The following PARD3B variants were observed in gnomAD, a reference collection of about 807,000 sequenced individuals.
PARD3B encodes par-3 family cell polarity regulator beta, also known as partitioning defective 3 homolog B.
In PARD3B, 103 loss-of-function variants were observed where a neutral mutation model predicts 130.2. The observed-to-expected ratio is 0.79, with a 90% CI of 0.67 to 0.93. PARD3B has a LOEUF of 0.93. Among genes scored for constraint, PARD3B ranks in the 40% least tolerant of loss-of-function variants. The pLI, the probability that PARD3B is intolerant of heterozygous loss-of-function variation, is 0.00. For synonymous variants in PARD3B, 583 were observed against 553.2 expected (o/e 1.05, Z -0.76); for missense variants, 1,609 against 1,499.2 (o/e 1.07, Z -1.21).
chr2:205,411,172 CT>C (rs1298088804), intron 19 of PARD3B, among the ~76,000 whole-genome samples: 3 of 152,092 alleles, frequency 2.0e-5, no homozygotes, highest in Non-Finnish European at 4.4e-5. Context: ...GGACAGCCCC[CT>C]GCAACAAAGA....
At chr2:204,730,408 T>C (rs1373262680) in intron 2 of PARD3B, among the ~76,000 whole-genome samples, 1 of 152,110 alleles carries the variant, frequency 6.6e-6, no homozygotes, top group Non-Finnish European at 1.5e-5. Flanking sequence ...TACTGCTCTG[T>C]AAGCAGATTT....
At chr2:204,747,251 T>C (rs2125378179) in intron 2 of PARD3B, among the ~76,000 whole-genome samples, 1 of 152,284 alleles carries the variant, frequency 6.6e-6, no homozygotes, top group African/African-American at 2.4e-5. Context: ...TCCCCATTTC[T>C]TGTTTTTGTC....
chr2:205,354,479 A>T (rs369289421), intron 18 of PARD3B, among the ~76,000 whole-genome samples: 12 of 151,384 alleles, frequency 7.9e-5, no homozygotes, highest in East Asian at 3.9e-4. Flanking sequence ...GAAAAAAAGT[A>T]AAAAATTAAA....
chr2:205,538,728 G>A (rs1575296914), intron 21 of PARD3B, among the ~76,000 whole-genome samples: 1 of 152,132 alleles, frequency 6.6e-6, no homozygotes, highest in African/African-American at 2.4e-5. Flanking sequence ...TGCTCAGGGG[G>A]CTCATGGAAA....
chr2:205,299,583 T>TAATATATA (rs2041922068), intron 16 of PARD3B, among the ~76,000 whole-genome samples: 2 of 7,646 alleles, frequency 2.6e-4, no homozygotes, highest in Admixed American at 4.6e-3. Context: ...ATATAATATA[T>TAATATATA]ATATATAATG....
intron 1 of PARD3B, among the ~76,000 whole-genome samples, chr2:204,573,604 A>G (rs2032108784): frequency 6.6e-6 from 1 of 152,154 alleles, no homozygotes; most frequent in African/African-American, 2.4e-5. Flanking sequence ...GTGGTAAGTA[A>G]TAAGCGACAG....
chr2:205,434,123 T>C (rs1350524743), intron 19 of PARD3B, among the ~76,000 whole-genome samples: 2 of 152,236 alleles, frequency 1.3e-5, no homozygotes, highest in Non-Finnish European at 2.9e-5. Context: ...CCACCAGCAG[T>C]GTGTGAATGT....
intron 2 of PARD3B, among the ~76,000 whole-genome samples, chr2:204,864,863 C>T (rs966491580): frequency 2.6e-5 from 4 of 152,098 alleles, no homozygotes; most frequent in Admixed American, 2.0e-4. Context: ...CAATAACACT[C>T]TTCTGATGTG....
chr2:204,551,752 C>G (rs892416737), intron 1 of PARD3B, among the ~76,000 whole-genome samples: 1 of 152,152 alleles, frequency 6.6e-6, no homozygotes, highest in African/African-American at 2.4e-5. Flanking sequence ...GAATTCATTC[C>G]CAGGGTATTC....
chr2:205,439,685 G>A (rs1201213795), intron 19 of PARD3B, among the ~76,000 whole-genome samples: 1 of 152,138 alleles, frequency 6.6e-6, no homozygotes, highest in Non-Finnish European at 1.5e-5. Context: ...CAGTAATGGT[G>A]TTTAATTCAC....
chr2:204,555,039 C>T (rs1200401735), intron 1 of PARD3B, among the ~76,000 whole-genome samples: 1 of 152,124 alleles, frequency 6.6e-6, no homozygotes, highest in Non-Finnish European at 1.5e-5. Context: ...CAGAAGGTGC[C>T]TATGTGATCA....
At chr2:204,801,550 ATT>A (rs2042570571) in intron 2 of PARD3B, among the ~76,000 whole-genome samples, 1 of 152,078 alleles carries the variant, frequency 6.6e-6, no homozygotes, top group South Asian at 2.1e-4. Context: ...TTGCACATTG[ATT>A]TTTGTATCCT....
intron 1 of PARD3B, among the ~76,000 whole-genome samples, chr2:204,563,250 TC>T (rs1370055397): frequency 6.7e-6 from 1 of 149,534 alleles, no homozygotes; most frequent in East Asian, 2.0e-4. Flanking sequence ...TCTCTCTCTC[TC>T]TCTCTCTCTC....
At chr2:205,191,075 G>GAAAAAAAAAAAAAAAAAAA (rs5837960) in intron 14 of PARD3B, among the ~76,000 whole-genome samples, 1 of 97,746 alleles carries the variant, frequency 1.0e-5, no homozygotes, top group African/African-American at 3.5e-5. Flanking sequence ...GAAAGAAATA[G>GAAAAAAAAAAAAAAAAAAA]AAAAAAAAAA....
chr2:205,335,941 A>G (rs1005711060), intron 18 of PARD3B, among the ~76,000 whole-genome samples: 1 of 152,138 alleles, frequency 6.6e-6, no homozygotes, highest in East Asian at 1.9e-4. Context: ...CTATAATTCA[A>G]TCACCTCCCG....
At chr2:205,103,331 A>ATATTTTTATTTATGTAAAATAAATG (rs2125572078) in intron 4 of PARD3B, among the ~76,000 whole-genome samples, 1 of 142,942 alleles carries the variant, frequency 7.0e-6, no homozygotes, top group South Asian at 2.2e-4. Context: ...TAAAATAAAC[A>ATATTTTTATTTATGTAAAATAAATG]TATTTTTATT....
At chr2:205,537,719 C>A (rs745422996) in intron 21 of PARD3B, among the ~76,000 whole-genome samples, 2 of 152,196 alleles carry the variant, frequency 1.3e-5, no homozygotes, top group Admixed American at 1.3e-4. Flanking sequence ...CTGTCATTCT[C>A]TCCTCATCCA....
In PARD3B at chr2:205,617,583, C is replaced by G. The variant is rs1227513121; in HGVS notation, c.*1770C>G. 1.3e-5 allele frequency: 2 copies of G among 152,156 alleles called. No homozygotes were observed. The highest frequency in any genetic ancestry group is 1.3e-4 in the Admixed American group (2 of 15,274). The allele number at this position is 152,156 out of a possible 1,614,324, so 9.4% of individuals were successfully genotyped here. A position where few individuals can be genotyped will look rare whatever the true frequency, so the allele number is the denominator to read the frequency against. The stretch of plus-strand genomic sequence containing the variant: ...TTGTGATATTATTTTCTTAACTACA[C>G]TTTACTATGGCCCTGTTGAAAACAG... On this transcript the variant is annotated 3_prime_UTR_variant, in exon 23 of 23. Transcript: ENST00000406610.
chr2:205,159,382 G>A (rs2034374540), intron 11 of PARD3B, among the ~76,000 whole-genome samples: 1 of 152,176 alleles, frequency 6.6e-6, no homozygotes, highest in Non-Finnish European at 1.5e-5. Context: ...ATGGTGCCCA[G>A]AATGCATATT....
Sources: allele counts gnomAD v4.1 joint callset (sites outside exome capture counted in the v4.1 genomes callset), GRCh38; gene constraint gnomAD v4.1.1; transcripts MANE v1.5; gene names NCBI Gene and HGNC (gene_info 2026-07-23, HGNC 2026-07-21).